The following NELL1 variants were observed in gnomAD, a reference collection of about 807,000 sequenced individuals.
The protein encoded by NELL1 is neural EGFL like 1.
A neutral mutation model predicts 107.4 loss-of-function variants in NELL1; 76 were observed. The ratio of observed to expected loss-of-function variants is 0.71; its 90% CI spans 0.59 to 0.86. The LOEUF (loss-of-function observed/expected upper bound fraction) is 0.86. NELL1 is among the 40% of genes least tolerant of loss of function. The pLI, the probability that NELL1 is intolerant of heterozygous loss-of-function variation, is 0.00. For missense variants in NELL1, 1,024 were observed against 1,005.5 expected (o/e 1.02, Z -0.25); for synonymous variants, 353 against 341.2 (o/e 1.03, Z -0.38).
chr11:21,433,922 G>A (rs1350520232), intron 15 of NELL1, among the ~76,000 whole-genome samples: 2 of 152,058 alleles, frequency 1.3e-5, no homozygotes, highest in African/African-American at 2.4e-5. Context: ...TGACCTGCCC[G>A]CCTCGGCCTC....
chr11:20,862,944 C>A (rs1164638167), intron 4 of NELL1, among the ~76,000 whole-genome samples: 1 of 152,146 alleles, frequency 6.6e-6, no homozygotes. Context: ...TCAACAGCAT[C>A]CCAAGGCAGA....
At chr11:21,395,404 A>C (rs1851959264) in intron 15 of NELL1, among the ~76,000 whole-genome samples, 1 of 151,598 alleles carries the variant, frequency 6.6e-6, no homozygotes, top group Non-Finnish European at 1.5e-5. Context: ...GAGATCAAGC[A>C]GATTATGAAA....
intron 13 of NELL1, among the ~76,000 whole-genome samples, chr11:21,123,045 T>G (rs550770105): frequency 6.6e-6 from 1 of 152,142 alleles, no homozygotes; most frequent in East Asian, 1.9e-4. Context: ...AAGCATCAAA[T>G]CCTGACTTAA....
intron 13 of NELL1, among the ~76,000 whole-genome samples, chr11:21,116,058 C>T (rs2133733566): frequency 6.6e-6 from 1 of 152,026 alleles, no homozygotes; most frequent in East Asian, 1.9e-4. Flanking sequence ...CTCACATATG[C>T]TCCTCACCTC....
intron 3 of NELL1, among the ~76,000 whole-genome samples, chr11:20,840,440 T>C (rs1429188654): frequency 6.6e-6 from 1 of 152,196 alleles, no homozygotes; most frequent in Non-Finnish European, 1.5e-5. Context: ...CTACCACTTT[T>C]GTGGCTTCAG....
In NELL1 at chr11:21,480,178, ACT is replaced by A. The variant is rs376810734; in HGVS notation, c.1646-54191_1646-54190del. 2.4e-3 allele frequency among the ~76,000 whole-genome samples: 367 copies of A among 152,056 alleles called. 1 individual carries two copies. The highest frequency in any genetic ancestry group is 8.5e-3 in the African/African-American group (354 of 41,478). On this transcript the variant is annotated intron_variant, in intron 15 of 19. Coordinates refer to ENST00000357134, the MANE Select transcript of NELL1 (RefSeq NM_006157.5). ...GAATACAGGAAATGTCTAATGATTG[ACT>A]CTCTGTTTAAGTATAATGAGAAGTT...
chr11:20,994,335 G>T (rs1403787095), intron 12 of NELL1, among the ~76,000 whole-genome samples: 1 of 152,194 alleles, frequency 6.6e-6, no homozygotes, highest in African/African-American at 2.4e-5. Context: ...TGCGGTAAAA[G>T]AAATTTGATG....
At position 21,228,494 on chromosome 11, in the gene NELL1, T is replaced by G. The variant is rs191192280; in HGVS notation, c.1427-838T>G. Among the ~76,000 whole-genome samples the G allele has an allele frequency of 1.9e-3, 283 of 152,216 alleles. 1 individual carries two copies. Among genetic ancestry groups the G allele is most frequent in the Middle Eastern group, 0.01 (3 of 294 alleles). On this transcript the variant is annotated intron_variant, in intron 13 of 19. Coordinates refer to ENST00000357134, the MANE Select transcript of NELL1 (RefSeq NM_006157.5). ...TAAACAGAGGCCTCAGAGTAAATCC[T>G]TTTCCTACTCTCAGCACAATCCTGT...
At chr11:20,755,092 C>T (rs1396614334) in intron 2 of NELL1, among the ~76,000 whole-genome samples, 1 of 152,212 alleles carries the variant, frequency 6.6e-6, no homozygotes, top group East Asian at 1.9e-4. Context: ...GCCGTTTCTG[C>T]TCCCTCCTTT....
At chr11:21,527,349 C>A (rs375254277) in intron 15 of NELL1, among the ~76,000 whole-genome samples, 1 of 152,158 alleles carries the variant, frequency 6.6e-6, no homozygotes, top group Admixed American at 6.5e-5. Context: ...GTCTTCTGAG[C>A]ATCCCGAGTC....
intron 12 of NELL1, among the ~76,000 whole-genome samples, chr11:21,104,268 G>T (rs999185977): frequency 6.6e-6 from 1 of 152,100 alleles, no homozygotes; most frequent in Non-Finnish European, 1.5e-5. Flanking sequence ...GTTTCTTTCC[G>T]TGTGGACATT....
intron 3 of NELL1, among the ~76,000 whole-genome samples, chr11:20,812,977 C>T (rs1857534042): frequency 7.8e-6 from 1 of 127,780 alleles, no homozygotes; most frequent in South Asian, 2.6e-4. Flanking sequence ...CCACTGCACT[C>T]CAGCCTGGGC....
intron 15 of NELL1, among the ~76,000 whole-genome samples, chr11:21,516,203 A>G (rs886186426): frequency 3.3e-5 from 5 of 152,168 alleles, no homozygotes; most frequent in South Asian, 2.1e-4. Flanking sequence ...CTAGTGTTCT[A>G]ATCTATAAAA....
chr11:21,523,340 AT>A, intron 15 of NELL1, among the ~76,000 whole-genome samples: 1 of 152,248 alleles, frequency 6.6e-6, no homozygotes, highest in Middle Eastern at 3.4e-3. Flanking sequence ...TGTTTAATAA[AT>A]ATACATTTAT....
intron 14 of NELL1, among the ~76,000 whole-genome samples, chr11:21,354,962 C>A (rs920257535): frequency 2.6e-5 from 4 of 152,160 alleles, no homozygotes; most frequent in African/African-American, 9.7e-5. Context: ...TCTTCAACTG[C>A]TTTTCACAGA....
At chr11:20,747,831 G>T (rs1187248969) in intron 2 of NELL1, among the ~76,000 whole-genome samples, 2 of 152,194 alleles carry the variant, frequency 1.3e-5, no homozygotes, top group Non-Finnish European at 2.9e-5. Flanking sequence ...GAGCATGGCA[G>T]CTGTGTATGG....
chr11:20,691,092 A>G (rs1038734846), intron 2 of NELL1, among the ~76,000 whole-genome samples: 7 of 151,742 alleles, frequency 4.6e-5, no homozygotes, highest in Non-Finnish European at 5.9e-5. Flanking sequence ...TTTGTCTGTT[A>G]TTGGTGTATA....
chr11:20,869,106 A>C (rs1849149537), intron 4 of NELL1, among the ~76,000 whole-genome samples: 1 of 152,186 alleles, frequency 6.6e-6, no homozygotes, highest in Non-Finnish European at 1.5e-5. Context: ...GTTTCTGTAA[A>C]GTGAAGTGGA....
chr11:20,719,908 T>A (rs1855340025), intron 2 of NELL1, among the ~76,000 whole-genome samples: 1 of 149,488 alleles, frequency 6.7e-6, no homozygotes, highest in Non-Finnish European at 1.5e-5. Context: ...AGACTGTTAG[T>A]CACTTTTCTT....
Sources: allele counts gnomAD v4.1 joint callset (sites outside exome capture counted in the v4.1 genomes callset), GRCh38; gene constraint gnomAD v4.1.1; transcripts MANE v1.5; gene names NCBI Gene and HGNC (gene_info 2026-07-23, HGNC 2026-07-21).